LHPP: variants seen among roughly 807,000 people sequenced by gnomAD.
LHPP encodes the protein phospholysine phosphohistidine inorganic pyrophosphate phosphatase, also known as hLHPP.
In LHPP, 24 loss-of-function variants were observed where a neutral mutation model predicts 30.3. That is an observed-to-expected ratio of 0.79 (90% CI 0.57 to 1.11). LHPP has a LOEUF of 1.11. LHPP is among the 50% of genes most tolerant of loss of function. The pLI is 0.00. For missense variants in LHPP, 356 were observed against 367.2 expected, an observed-to-expected ratio of 0.97 and a Z score of 0.25; for synonymous variants, 150 against 157.1, an observed-to-expected ratio of 0.95 and a Z score of 0.34.
intron 6 of LHPP, among the ~76,000 whole-genome samples, chr10:124,538,861 C>G (rs1329629724): frequency 6.6e-6 from 1 of 152,206 alleles, no homozygotes; most frequent in Non-Finnish European, 1.5e-5. Flanking sequence ...GCTCTCACAG[C>G]CACTCAGCTC....
At chr10:124,532,135 G>A (rs550544916) in intron 6 of LHPP, among the ~76,000 whole-genome samples, 4 of 152,308 alleles carry the variant, frequency 2.6e-5, no homozygotes, top group South Asian at 2.1e-4. Context: ...CATCCTCACC[G>A]TTCTTTGAGC....
chr10:124,473,921 C>T (rs1952865916), intron 1 of LHPP, among the ~76,000 whole-genome samples: 1 of 152,114 alleles, frequency 6.6e-6, no homozygotes, highest in South Asian at 2.1e-4. Flanking sequence ...GCACTCCAGC[C>T]TGGGCAATAC....
In LHPP at chr10:124,461,850, A is replaced by C. The variant is rs781125520; in HGVS notation, c.-13A>C. ...CGGTTGGGACGCGGAGCTGAGGAGC[A>C]GGGCCGGGCGCCATGGCACCGTGGG... On this transcript the variant is annotated 5_prime_UTR_variant, in exon 1 of 7. Coordinates refer to ENST00000368842, the MANE Select transcript of LHPP (RefSeq NM_022126.4). 5.6e-6 allele frequency: 7 copies of C among 1,240,536 alleles called. No individual in the cohort carries two copies. The highest frequency in any genetic ancestry group is 3.9e-5 in the South Asian group (1 of 25,492). 76.8% of individuals were successfully genotyped at this position (1,240,536 alleles called of 1,614,324 possible).
At chr10:124,551,623 A>T (rs1160423390) in intron 6 of LHPP, among the ~76,000 whole-genome samples, 1 of 152,148 alleles carries the variant, frequency 6.6e-6, no homozygotes, top group Non-Finnish European at 1.5e-5. Flanking sequence ...GGACCCCACC[A>T]TGCGGAGGGG....
At chr10:124,580,974 T>C (rs1948736075) in intron 6 of LHPP, among the ~76,000 whole-genome samples, 1 of 152,214 alleles carries the variant, frequency 6.6e-6, no homozygotes, top group Non-Finnish European at 1.5e-5. Flanking sequence ...TCCACCCGCC[T>C]TGGCCTCCCA....
At position 124,464,130 on chromosome 10, in the gene LHPP, T is replaced by C. The variant is rs184583893; in HGVS notation, c.125+2143T>C. Among the ~76,000 whole-genome samples, 100 of 152,284 alleles carry C rather than the reference T, an allele frequency of 6.6e-4. 1 individual carries two copies. Among genetic ancestry groups the C allele is most frequent in the Admixed American group, 3.7e-3 (57 of 15,310 alleles). On this transcript the variant is annotated intron_variant, in intron 1 of 6. Coordinates refer to ENST00000368842, the MANE Select transcript of LHPP (RefSeq NM_022126.4). ...ACTGTGGCCAGCCAGAAGGACACTT[T>C]CAGTAGCATGGTTGGCACCACTGGA...
chr10:124,513,774 A>G (rs1243928760), intron 5 of LHPP, among the ~76,000 whole-genome samples: 2 of 148,624 alleles, frequency 1.3e-5, no homozygotes, highest in Admixed American at 6.7e-5. Context: ...TTTAAATTAC[A>G]TATATTTATT....
chr10:124,607,511 C>T (rs543292234), intron 6 of LHPP, among the ~76,000 whole-genome samples: 6 of 152,338 alleles, frequency 3.9e-5, no homozygotes, highest in South Asian at 4.1e-4. Flanking sequence ...TAGCCACGGA[C>T]GCCATTCGGC....
intron 6 of LHPP, among the ~76,000 whole-genome samples, chr10:124,567,552 G>A (rs988042908): frequency 6.6e-6 from 1 of 152,222 alleles, no homozygotes; most frequent in Non-Finnish European, 1.5e-5. Context: ...CGTCCTTTGT[G>A]GGCTATTGGA....
At chr10:124,554,102 G>A in intron 6 of LHPP, 1 of 983,970 alleles carries the variant, frequency 1.0e-6, no homozygotes, top group South Asian at 4.7e-5. Context: ...TTCAGCTCCT[G>A]CTCTGACATT....
At chr10:124,486,985 G>A (rs540807185) in intron 2 of LHPP, among the ~76,000 whole-genome samples, 31 of 152,326 alleles carry the variant, frequency 2.0e-4, no homozygotes, top group Admixed American at 1.0e-3. Context: ...AACCCTTTCC[G>A]TCACAGTAGT....
At chr10:124,538,646 A>T (rs1162757744) in intron 6 of LHPP, among the ~76,000 whole-genome samples, 1 of 152,140 alleles carries the variant, frequency 6.6e-6, no homozygotes, top group African/African-American at 2.4e-5. Flanking sequence ...CCTGGAAGAG[A>T]CGGAGGATGA....
Position 124,488,424 on chromosome 10 carries a change from G to T in LHPP, c.316G>T (p.Val106Phe), listed in dbSNP as rs1336749451. Residue 106 changes from valine (V) to phenylalanine (F), a missense_variant and splice_region_variant, in exon 3 of 7, where the codon GTC becomes TTC. By Grantham distance (50) the Val-to-Phe change is conservative. Coordinates refer to ENST00000368842, the MANE Select transcript of LHPP (RefSeq NM_022126.4). Reference protein sequence around the residue: ...LRPYLLIHDGVRSEFDQIDTS... With the variant: ...LRPYLLIHDGFRSEFDQIDTS... ...TCTGTCTCTCTCTCTCTTTCCAGGA[G>T]TCCGCTCAGAATTTGATCAGATCGA... 1 of 1,613,936 alleles carries T rather than the reference G, an allele frequency of 6.2e-7. No homozygotes were observed. The highest frequency in any genetic ancestry group is 1.1e-5 in the South Asian group (1 of 91,038).
At position 124,478,158 on chromosome 10, in the gene LHPP, C is replaced by G. The variant is rs1317225326; in HGVS notation, c.126-5981C>G. The stretch of plus-strand genomic sequence containing the variant: ...GGCAGGAGGAGGGAGGTGGTGATGT[C>G]AGGACCAGAGCAGCACCAAGGGCTG... On this transcript the variant is annotated intron_variant, in intron 1 of 6. Transcript: ENST00000368842. This position sits in a 1 kb window ranked among gnomAD's most constrained non-coding sequence, Gnocchi z 4.7. Among the ~76,000 whole-genome samples the G allele has an allele frequency of 6.6e-6, 1 of 152,184 alleles. No individual in the cohort carries two copies. The highest frequency in any genetic ancestry group is 1.5e-5 in the Non-Finnish European group (1 of 68,030).
chr10:124,535,543 A>G (rs1430972253), intron 6 of LHPP, among the ~76,000 whole-genome samples: 2 of 151,998 alleles, frequency 1.3e-5, no homozygotes, highest in Non-Finnish European at 2.9e-5. Context: ...CTATAGGCAC[A>G]TGCCACAATG....
chr10:124,463,809 A>G (rs1378260333), intron 1 of LHPP, among the ~76,000 whole-genome samples: 2 of 134,548 alleles, frequency 1.5e-5, no homozygotes, highest in Non-Finnish European at 3.1e-5. Flanking sequence ...CACCTGGCCT[A>G]ATTTTTTTTT....
At chr10:124,526,748 C>A (rs1481642640) in intron 6 of LHPP, among the ~76,000 whole-genome samples, 1 of 152,202 alleles carries the variant, frequency 6.6e-6, no homozygotes, top group Admixed American at 6.5e-5. Flanking sequence ...GAGAGCCTGG[C>A]GGAGATGTGA....
chr10:124,488,606 G>C (rs757387583), intron 3 of LHPP, 31 bp downstream of exon 3: 2 of 1,587,862 alleles, frequency 1.3e-6, no homozygotes, highest in Non-Finnish European at 1.7e-6. Flanking sequence ...GTCATTTCTC[G>C]GTGCTTTAGA....
At chr10:124,585,385 C>T (rs755876920) in intron 6 of LHPP, among the ~76,000 whole-genome samples, 24 of 151,884 alleles carry the variant, frequency 1.6e-4, no homozygotes, top group Non-Finnish European at 2.8e-4. Flanking sequence ...GAGGCCGAGG[C>T]GGGCAGATTG....
Sources: gnomAD v4.1 joint callset for allele counts (sites outside exome capture counted in the v4.1 genomes callset) on GRCh38, gnomAD v4.1.1 for gene constraint, Gnocchi (gnomAD v3.1) non-coding constraint, MANE v1.5 for transcripts, NCBI Gene and HGNC (gene_info 2026-07-23, HGNC 2026-07-21) for gene names.